Variants in BIRC6 observed in about 807,000 individuals in gnomAD.
BIRC6 encodes baculoviral IAP repeat containing 6.
BIRC6 carries 98 observed loss-of-function variants against 503.3 expected under a neutral mutation model. The observed-to-expected ratio is 0.19, with a 90% confidence interval of 0.17 to 0.23. The LOEUF (loss-of-function observed/expected upper bound fraction) is 0.23. Among genes scored for constraint, BIRC6 ranks in the 10% least tolerant of loss-of-function variants. The probability of loss-of-function intolerance (pLI) is 1.00; values close to 1 mark genes in which losing one functional copy is unlikely to be tolerated. For missense variants in BIRC6, 5,360 were observed against 5,806.0 expected, an observed-to-expected ratio of 0.92 and a Z score of 2.50; for synonymous variants, 2,240 against 2,078.7, an observed-to-expected ratio of 1.08 and a Z score of -2.11.
intron 22 of BIRC6, among the ~76,000 whole-genome samples, chr2:32,451,343 A>G (rs1558763384): frequency 6.6e-6 from 1 of 151,884 alleles, no homozygotes; most frequent in Non-Finnish European, 1.5e-5. Flanking sequence ...TGTTCTATAG[A>G]CCCCCAAAGG....
chr2:32,575,000 G>A (rs1468430755), intron 65 of BIRC6, among the ~76,000 whole-genome samples, 156 bp from the exon 66 acceptor site: 1 of 152,124 alleles, frequency 6.6e-6, no homozygotes, highest in African/African-American at 2.4e-5. Flanking sequence ...TGCCTGCCTC[G>A]GCCTCACAAA....
At chr2:32,482,269 C>T (rs1156719090) in intron 38 of BIRC6, among the ~76,000 whole-genome samples, 160 bp from the exon 39 acceptor site, 1 of 152,034 alleles carries the variant, frequency 6.6e-6, no homozygotes, top group Non-Finnish European at 1.5e-5. Context: ...AATTACTGGA[C>T]CATTCTTATA....
chr2:32,612,768 C>T (rs1039562720), intron 73 of BIRC6, among the ~76,000 whole-genome samples: 4 of 152,158 alleles, frequency 2.6e-5, no homozygotes, highest in African/African-American at 9.7e-5. Flanking sequence ...CTTCATTGTA[C>T]TCTTCTGCCC....
intron 70 of BIRC6, 72 bp downstream of exon 70, chr2:32,599,972 A>T: frequency 6.7e-7 from 1 of 1,482,152 alleles, no homozygotes; most frequent in Non-Finnish European, 9.1e-7. Flanking sequence ...TTTGAAGAAA[A>T]ATTTTGTTTT....
intron 60 of BIRC6, among the ~76,000 whole-genome samples, chr2:32,530,116 C>G (rs2149998054): frequency 6.6e-6 from 1 of 152,322 alleles, no homozygotes; most frequent in Non-Finnish European, 1.5e-5. Flanking sequence ...ACTCAACTTA[C>G]AACTTTGTTA....
chr2:32,540,486 A>G (rs755804247), intron 61 of BIRC6, among the ~76,000 whole-genome samples: 5 of 152,024 alleles, frequency 3.3e-5, no homozygotes, highest in South Asian at 2.1e-4. Flanking sequence ...TTATCCTAGT[A>G]TATCAGAAAT....
In BIRC6 at chr2:32,441,139, T is replaced by C. The variant is rs372900291; in HGVS notation, c.3811-190T>C. On this transcript the variant is annotated intron_variant, in intron 16 of 73. Coordinates refer to ENST00000421745, the MANE Select transcript of BIRC6 (RefSeq NM_016252.4). ...TAAAATAGTGGCTGTGTCTGTCTTT[T>C]TTTCCCCTATTATAATTCTGGAGAA... is the stretch of plus-strand genomic sequence containing the variant. Among the ~76,000 whole-genome samples the C allele has an allele frequency of 3.3e-5, 5 of 152,234 alleles. No individual in the cohort carries two copies. In the East Asian group the frequency reaches 9.7e-4, roughly 29 times the overall value.
intron 53 of BIRC6, among the ~76,000 whole-genome samples, chr2:32,511,203 T>TTTTTTTTTTTTTTTTTTTTTTTTTTC (rs2054383751): frequency 3.1e-5 from 1 of 32,668 alleles, no homozygotes; most frequent in East Asian, 3.7e-3. Flanking sequence ...TTTCTTTTCT[T>TTTTTTTTTTTTTTTTTTTTTTTTTTC]TTTTTTTTTT....
chr2:32,481,517 A>G (rs1368282813), intron 38 of BIRC6, 64 bp downstream of exon 38: 9 of 1,373,182 alleles, frequency 6.6e-6, no homozygotes, highest in Non-Finnish European at 8.7e-6. Flanking sequence ...CTGTTATCCC[A>G]GCACTTTGGG....
chr2:32,365,263 A>G (rs1027769527), intron 1 of BIRC6, among the ~76,000 whole-genome samples: 1 of 152,118 alleles, frequency 6.6e-6, no homozygotes, highest in East Asian at 1.9e-4. Flanking sequence ...GTTATTGTAA[A>G]GATTAAATAA....
intron 39 of BIRC6, among the ~76,000 whole-genome samples, chr2:32,484,550 CAAA>C (rs1251134880): frequency 1.3e-4 from 9 of 69,616 alleles, no homozygotes; most frequent in Non-Finnish European, 2.0e-4. Context: ...AACTCCAACT[CAAA>C]AAAAAAAAAA....
At chr2:32,556,093 G>A (rs994545366) in intron 65 of BIRC6, among the ~76,000 whole-genome samples, 5 of 152,100 alleles carry the variant, frequency 3.3e-5, no homozygotes, top group African/African-American at 1.2e-4. Context: ...CACTAGCAAG[G>A]CATGTTGATA....
intron 50 of BIRC6, among the ~76,000 whole-genome samples, chr2:32,507,266 C>T (rs1004890168): frequency 6.6e-6 from 1 of 152,038 alleles, no homozygotes; most frequent in Non-Finnish European, 1.5e-5. Context: ...CCTGTCTCTA[C>T]CAAAAGTACA....
Position 32,416,093 on chromosome 2 carries a change from T to C in BIRC6, c.2802T>C (p.Thr934=). ...TGGAGCCTCCCAAAAAGGAGGGCAC[T>C]GAGGAACAGGACACATTTGTTTCTG... is the stretch of plus-strand genomic sequence containing the variant. ...AKVEPPKKEG[T]EEQDTFVSVI... Residue 934 remains threonine (T), a synonymous_variant, in exon 10 of 74, where the codon ACT becomes ACC. Transcript: ENST00000421745. 6.2e-7 allele frequency: 1 copy of C among 1,613,940 alleles called. No individual in the cohort carries two copies. Among genetic ancestry groups the C allele is most frequent in the Non-Finnish European group, 8.5e-7 (1 of 1,179,864 alleles).
In BIRC6 at chr2:32,357,582, G is replaced by C. The variant is rs896157227; in HGVS notation, c.325+96G>C. 5 of 1,496,482 alleles carry C rather than the reference G, an allele frequency of 3.3e-6. No individual in the cohort carries two copies. The Admixed American group carries it at 9.6e-5, about 29-fold the overall frequency. The allele number at this position is 1,496,482 out of a possible 1,614,324, so 92.7% of individuals were successfully genotyped here. On this transcript the variant is annotated intron_variant, in intron 1 of 73. Transcript: ENST00000421745. The surrounding 1 kb of genome is among the most constrained non-coding windows in gnomAD (Gnocchi z 4.9). ...GCGACTCGGGGAAGCGAGATGGCGAGAGGGCAGGGCTGGGGGTTCGGGCCC... is the reference window on the plus strand; with the variant it reads ...GCGACTCGGGGAAGCGAGATGGCGACAGGGCAGGGCTGGGGGTTCGGGCCC...
intron 50 of BIRC6, among the ~76,000 whole-genome samples, chr2:32,506,166 GT>G (rs2053776995): frequency 6.6e-6 from 1 of 152,020 alleles, no homozygotes. Flanking sequence ...GTTTTATATG[GT>G]TCACAAATGC....
intron 16 of BIRC6, among the ~76,000 whole-genome samples, 172 bp downstream of exon 16, chr2:32,439,858 G>T (rs1178702535): frequency 6.6e-6 from 1 of 152,150 alleles, no homozygotes; most frequent in African/African-American, 2.4e-5. Context: ...GAATGTTTGA[G>T]TTAACTTTAT....
chr2:32,618,052 G>T lies in BIRC6; in HGVS notation c.*148G>T. 1 of 791,896 alleles carries T rather than the reference G, an allele frequency of 1.3e-6. No homozygotes were observed. The highest frequency in any genetic ancestry group is 2.5e-5 in the South Asian group (1 of 40,206). The allele number at this position is 791,896 out of a possible 1,614,324, so 49.1% of individuals were successfully genotyped here. On this transcript the variant is annotated 3_prime_UTR_variant, in exon 74 of 74. Coordinates refer to ENST00000421745, the MANE Select transcript of BIRC6 (RefSeq NM_016252.4). ...AAGGAGATCCAGTTTAATTCAAGGT[G>T]ATCTTTTATTTACCTGTACAGGAGT...
chr2:32,469,360 A>G (rs759236290), intron 29 of BIRC6, 35 bp from the exon 30 acceptor site: 242 of 1,514,488 alleles, frequency 1.6e-4, no homozygotes, highest in Non-Finnish European at 2.1e-4. Context: ...AATACATTTA[A>G]ATAGGAAAGT....
Sources: allele counts gnomAD v4.1 joint callset (sites outside exome capture counted in the v4.1 genomes callset), GRCh38; gene constraint gnomAD v4.1.1; non-coding constraint Gnocchi (gnomAD v3.1); transcripts MANE v1.5; gene names NCBI Gene and HGNC (gene_info 2026-07-23, HGNC 2026-07-21).